SLC5A5: variants seen among roughly 807,000 people sequenced by gnomAD.
SLC5A5 encodes the protein solute carrier family 5 member 5.
SLC5A5 carries 56 observed loss-of-function variants against 68.6 expected under a neutral mutation model. That is an observed-to-expected ratio of 0.82 (90% CI 0.66 to 1.02). SLC5A5 has a LOEUF of 1.02. SLC5A5 is among the 50% of genes least tolerant of loss of function. The pLI is 0.00. For synonymous variants in SLC5A5, 398 were observed against 373.0 expected, an observed-to-expected ratio of 1.07 and a Z score of -0.77; for missense variants, 807 against 859.8, an observed-to-expected ratio of 0.94 and a Z score of 0.77.
At chr19:17,879,530 G>T (rs2094315747) in intron 7 of SLC5A5, among the ~76,000 whole-genome samples, 1 of 152,152 alleles carries the variant, frequency 6.6e-6, no homozygotes, top group Non-Finnish European at 1.5e-5. Context: ...GGAAATTGAG[G>T]CTCGGGGGGA....
intron 7 of SLC5A5, among the ~76,000 whole-genome samples, chr19:17,878,741 C>T (rs1004698380): frequency 2.6e-5 from 4 of 151,648 alleles, no homozygotes; most frequent in African/African-American, 7.3e-5. Flanking sequence ...TTTTGGAGGC[C>T]GAGACAGGCA....
intron 12 of SLC5A5, among the ~76,000 whole-genome samples, chr19:17,884,666 G>C (rs2094329347): frequency 1.3e-5 from 2 of 151,750 alleles, no homozygotes; most frequent in South Asian, 2.1e-4. Context: ...CCAGCTACTC[G>C]GGAGGCTGAG....
intron 10 of SLC5A5, 33 bp from the exon 11 acceptor site, chr19:17,883,648 C>A (rs768377603): frequency 5.2e-6 from 8 of 1,544,352 alleles, no homozygotes; most frequent in African/African-American, 1.4e-5. Context: ...GGGAGGGCTC[C>A]GCCCTCAGCC....
Position 17,882,234 on chromosome 19 carries a change from G to GC in SLC5A5, c.1242+20dup. 1.2e-6 allele frequency: 2 copies of GC among 1,608,550 alleles called. No homozygotes were observed. Among genetic ancestry groups the GC allele is most frequent in the Non-Finnish European group, 1.7e-6 (2 of 1,176,138 alleles). ...GTGTCCTTCAGGTGAGACCCCACCTGCCCCCTGCCCTGGTCTCCTGAGAGG... is the reference window on the plus strand; with the variant it reads ...GTGTCCTTCAGGTGAGACCCCACCTGCCCCCCTGCCCTGGTCTCCTGAGAGG... On this transcript the variant is annotated intron_variant, in intron 10 of 14. Transcript: ENST00000222248.
In SLC5A5 at chr19:17,872,676, G is replaced by A; in HGVS notation, c.357G>A (p.Glu119=). 6.3e-7 allele frequency: 1 copy of A among 1,576,074 alleles called. No homozygotes were observed. Among genetic ancestry groups the A allele is most frequent in the Non-Finnish European group, 8.7e-7 (1 of 1,151,480 alleles). The change falls in exon 1 of 15, where the codon GAG becomes GAA. Residue 119 remains glutamate (E), a splice_region_variant and synonymous_variant. Transcript: ENST00000222248. ...FYRLGLTSTY[E]YLEMRFSRAV... ...GCCTGGGCCTCACCAGCACCTACGA[G>A]GTACCGGACAGAGGCCCGGGGGTAG... is the stretch of plus-strand genomic sequence containing the variant.
At position 17,872,268 on chromosome 19, in the gene SLC5A5, G is replaced by A. The variant is rs2094295963; in HGVS notation, c.-52G>A. On this transcript the variant is annotated 5_prime_UTR_variant, in exon 1 of 15. Transcript: ENST00000222248. ...TCCTCGGCCCCTGCCAGCTTCCCCC[G>A]CTTGAGCACGCAGGGCGTCCGAGGA... The A allele has an allele frequency of 6.3e-6, 5 of 789,828 alleles. No individual in the cohort carries two copies. Among genetic ancestry groups the A allele is most frequent in the South Asian group, 1.5e-5 (1 of 68,084 alleles). 48.9% of individuals were successfully genotyped at this position (789,828 alleles called of 1,614,324 possible). A position where few individuals can be genotyped will look rare whatever the true frequency, so the allele number is the denominator to read the frequency against.
In SLC5A5 at chr19:17,875,944, T is replaced by C; in HGVS notation, c.544-8T>C. 3 of 1,614,056 alleles carry C rather than the reference T, an allele frequency of 1.9e-6. No individual in the cohort carries two copies. Among genetic ancestry groups the C allele is most frequent in the Non-Finnish European group, 2.5e-6 (3 of 1,179,972 alleles). ...CGCCCCTCTCCCTCTCTCTGTCCCA[T>C]GCTGCAGGGCGGCATGAAGGCTGTG... On this transcript the variant is annotated splice_polypyrimidine_tract_variant and splice_region_variant and intron_variant, in intron 4 of 14. Coordinates refer to ENST00000222248, the MANE Select transcript of SLC5A5 (RefSeq NM_000453.3).
At position 17,874,186 on chromosome 19, in the gene SLC5A5, C is replaced by T; in HGVS notation, c.406C>T (p.Gln136Ter). 1 of 1,611,478 alleles carries T rather than the reference C, an allele frequency of 6.2e-7. No individual in the cohort carries two copies. The highest frequency in any genetic ancestry group is 8.5e-7 in the Non-Finnish European group (1 of 1,178,180). ...CGCAGTGCGGCTCTGCGGGACTTTG[C>T]AGTACATTGTAGCCACGGTGAGTGG... is the stretch of plus-strand genomic sequence containing the variant. ...SRAVRLCGTL[Q>*]YIVATMLYTG... is the part of the protein sequence containing the mutation. Residue 136 changes from glutamine to a stop codon, truncating the protein, a stop_gained, in exon 2 of 15, where the codon CAG becomes TAG. Transcript: ENST00000222248. LOFTEE classifies it high-confidence loss of function.
Position 17,882,198 on chromosome 19 carries a change from G to T in SLC5A5, c.1221G>T (p.Leu407=). 2 of 1,613,904 alleles carry T rather than the reference G, an allele frequency of 1.2e-6. No individual in the cohort carries two copies. The highest frequency in any genetic ancestry group is 1.7e-6 in the Non-Finnish European group (2 of 1,179,960). Reference sequence around the variant, plus strand: ...TCACCGTGGCAGCCCTGTCCTCACTGCTCGGAGGAGGTGTCCTTCAGGTGA... The same window carrying T: ...TCACCGTGGCAGCCCTGTCCTCACTTCTCGGAGGAGGTGTCCTTCAGGTGA... The part of the protein sequence containing the change: ...ACLTVAALSS[L]LGGGVLQGSF... The change falls in exon 10 of 15, where the codon CTG becomes CTT. Residue 407 remains leucine, a synonymous_variant. Coordinates refer to ENST00000222248, the MANE Select transcript of SLC5A5 (RefSeq NM_000453.3).
At position 17,890,616 on chromosome 19, in the gene SLC5A5, T is replaced by C. The variant is rs545828795; in HGVS notation, c.1652-270T>C. On this transcript the variant is annotated intron_variant, in intron 13 of 14. Transcript: ENST00000222248. The stretch of plus-strand genomic sequence containing the variant: ...TATGTTGCCTAGGCTGGTCTCCAAC[T>C]ACTGGGCAACTCTAAGCAATCCTAT... 2.0e-5 allele frequency among the ~76,000 whole-genome samples: 3 copies of C among 152,230 alleles called. No individual in the cohort carries two copies. In the East Asian group the frequency reaches 5.8e-4, roughly 29 times the overall value.
chr19:17,872,086 C>A lies in SLC5A5; in HGVS notation c.-234C>A. On this transcript the variant is annotated 5_prime_UTR_variant, in exon 1 of 15. Transcript: ENST00000222248. ...AGGACAGACAGACAGCAGGGGCGGA[C>A]GCAGAGACAGACAGCGGGGACAGGG... 1 of 564,458 alleles carries A rather than the reference C, an allele frequency of 1.8e-6. No individual in the cohort carries two copies. Among genetic ancestry groups the A allele is most frequent in the South Asian group, 2.1e-5 (1 of 48,148 alleles). 35.0% of individuals were successfully genotyped at this position (564,458 alleles called of 1,614,324 possible). A position where few individuals can be genotyped will look rare whatever the true frequency, so the allele number is the denominator to read the frequency against.
intron 8 of SLC5A5, among the ~76,000 whole-genome samples, chr19:17,881,614 C>G (rs2094320865): frequency 6.6e-6 from 1 of 152,186 alleles, no homozygotes; most frequent in Non-Finnish European, 1.5e-5. Flanking sequence ...ACCAAGCAGT[C>G]CCCTGCTTCT....
intron 14 of SLC5A5, among the ~76,000 whole-genome samples, chr19:17,892,695 A>AGAGAGAGAGAGG (rs528009112): frequency 1.7e-4 from 25 of 148,722 alleles, no homozygotes; most frequent in Non-Finnish European, 3.4e-4. Flanking sequence ...AGAGAGAGAG[A>AGAGAGAGAGAGG]GAGCAAGCTA....
rs866046764 is a variant in SLC5A5, at chr19:17,885,211, A to G, written c.1526+1165A>G. On this transcript the variant is annotated intron_variant, in intron 12 of 14. Coordinates refer to ENST00000222248, the MANE Select transcript of SLC5A5 (RefSeq NM_000453.3). ...TTTTTTGTAGAGACAGGGTCTGGCT[A>G]TGTTGCCCAGGCTGGTCTGGAATTC... 7.0e-4 allele frequency among the ~76,000 whole-genome samples: 106 copies of G among 151,480 alleles called. 1 individual carries two copies. The highest frequency in any genetic ancestry group is 2.4e-3 in the African/African-American group (98 of 41,264).
At chr19:17,881,275 G>GT (rs933379539) in intron 8 of SLC5A5, among the ~76,000 whole-genome samples, 15 of 145,782 alleles carry the variant, frequency 1.0e-4, no homozygotes, top group South Asian at 4.3e-4. Context: ...GTTTTTTTTT[G>GT]TTTTTTTTCC....
Position 17,874,555 on chromosome 19 carries a change from T to G in SLC5A5, c.475+10T>G. ...CTCATCCTGAACCAAGGTGTGACTC[T>G]GGGAGATTAGGGAAGCATGTCTGGG... is the stretch of plus-strand genomic sequence containing the variant. On this transcript the variant is annotated intron_variant, in intron 3 of 14. Transcript: ENST00000222248. 6.2e-7 allele frequency: 1 copy of G among 1,613,606 alleles called. No homozygotes were observed. The highest frequency in any genetic ancestry group is 8.5e-7 in the Non-Finnish European group (1 of 1,179,784).
In SLC5A5 at chr19:17,892,695, A is replaced by AGAGAGAGAGC. The variant is rs528009112; in HGVS notation, c.1768-1015_1768-1014insAGAGAGCGAG. 7.1e-4 allele frequency among the ~76,000 whole-genome samples: 105 copies of AGAGAGAGAGC among 148,682 alleles called. No homozygotes were observed. In the East Asian group the frequency reaches 0.013, roughly 18 times the overall value. ...GAGAGAGAGAGAGAGAGAGAGAGAGAGAGCAAGCTAAAAAGAAAAACGTGT... is the reference window on the plus strand; with the variant it reads ...GAGAGAGAGAGAGAGAGAGAGAGAGAGAGAGAGAGCGAGCAAGCTAAAAAGAAAAACGTGT... On this transcript the variant is annotated intron_variant, in intron 14 of 14. Coordinates refer to ENST00000222248, the MANE Select transcript of SLC5A5 (RefSeq NM_000453.3).
intron 13 of SLC5A5, among the ~76,000 whole-genome samples, 162 bp downstream of exon 13, chr19:17,888,617 T>TATTATTATTATTATC (rs912486670): frequency 5.3e-5 from 7 of 131,488 alleles, no homozygotes; most frequent in Non-Finnish European, 7.9e-5. Context: ...TTATTATTAT[T>TATTATTATTATTATC]ATCATCATCA....
rs35209536 is a variant in SLC5A5, at chr19:17,877,985, C to T, written c.861C>T (p.Val287=). Residue 287 remains valine, a synonymous_variant, in exon 7 of 15, where the codon GTC becomes GTT. Transcript: ENST00000222248. ...QAKLALLINQ[V]GLFLIVSSAA... ...CCAGGGCCCTGCTCATCAACCAGGT[C>T]GGCCTGTTCCTGATCGTGTCCAGCG... 3.5e-3 allele frequency: 5,609 copies of T among 1,613,424 alleles called. 148 individuals are homozygous for T. The African/African-American group carries it at 0.064, about 18-fold the overall frequency.
Sources: allele counts gnomAD v4.1 joint callset (sites outside exome capture counted in the v4.1 genomes callset), GRCh38; gene constraint gnomAD v4.1.1; transcripts MANE v1.5; gene names NCBI Gene and HGNC (gene_info 2026-07-23, HGNC 2026-07-21).